Variants in PALLD observed in about 807,000 individuals in gnomAD.
PALLD encodes palladin, cytoskeletal associated protein.
In PALLD, 61 loss-of-function variants were observed where a neutral mutation model predicts 123.5. The observed-to-expected ratio is 0.49, with a 90% CI of 0.40 to 0.61. The LOEUF (loss-of-function observed/expected upper bound fraction) is 0.61, where lower values mean the gene tolerates loss of function less well. PALLD is among the 20% of genes least tolerant of loss of function. The pLI is 0.00. For missense variants in PALLD, 1,273 were observed against 1,377.0 expected (o/e 0.92, Z 1.20); for synonymous variants, 465 against 496.4 (o/e 0.94, Z 0.84).
At chr4:168,759,840 A>G (rs1431934134) in intron 10 of PALLD, among the ~76,000 whole-genome samples, 3 of 151,958 alleles carry the variant, frequency 2.0e-5, no homozygotes, top group African/African-American at 7.2e-5. Flanking sequence ...GATCGCTTGA[A>G]CCCAGGAGTT....
chr4:168,649,350 G>C (rs1272564683), intron 2 of PALLD, among the ~76,000 whole-genome samples: 2 of 152,048 alleles, frequency 1.3e-5, no homozygotes, highest in African/African-American at 2.4e-5. Flanking sequence ...GATTCAATTT[G>C]ATTCTTATTA....
intron 2 of PALLD, among the ~76,000 whole-genome samples, chr4:168,516,646 C>T (rs1046560735): frequency 9.2e-5 from 14 of 152,120 alleles, no homozygotes; most frequent in African/African-American, 2.9e-4. Flanking sequence ...TAACTCAGCT[C>T]TTATGATTCT....
intron 15 of PALLD, among the ~76,000 whole-genome samples, chr4:168,911,670 T>C (rs1758983644): frequency 6.6e-6 from 1 of 152,224 alleles, no homozygotes; most frequent in African/African-American, 2.4e-5. Flanking sequence ...AATTAATTTT[T>C]AGATTTCAGG....
intron 2 of PALLD, among the ~76,000 whole-genome samples, chr4:168,594,254 T>C (rs1051182095): frequency 2.0e-5 from 3 of 152,144 alleles, no homozygotes; most frequent in Non-Finnish European, 4.4e-5. Flanking sequence ...TTGACTAAGA[T>C]GGAATTTGAT....
chr4:168,669,338 G>A (rs1047834921), intron 3 of PALLD, among the ~76,000 whole-genome samples: 2 of 152,214 alleles, frequency 1.3e-5, no homozygotes, highest in African/African-American at 2.4e-5. Flanking sequence ...GCCCGAGGCA[G>A]GAGGATCGCT....
At chr4:168,880,803 T>C (rs1484781398) in intron 10 of PALLD, among the ~76,000 whole-genome samples, 1 of 152,276 alleles carries the variant, frequency 6.6e-6, no homozygotes. Flanking sequence ...AACAAATTGG[T>C]TGATTATATG....
intron 1 of PALLD, among the ~76,000 whole-genome samples, chr4:168,502,733 C>T (rs1173779495): frequency 6.6e-6 from 1 of 152,104 alleles, no homozygotes; most frequent in Non-Finnish European, 1.5e-5. Flanking sequence ...GACCTCGTTT[C>T]TACAAAAATA....
intron 21 of PALLD, 142 bp from the exon 22 acceptor site, chr4:168,926,071 G>C: frequency 1.6e-6 from 1 of 638,010 alleles, no homozygotes; most frequent in Non-Finnish European, 2.5e-6. Context: ...ATGCAAAAGT[G>C]TTCCTAAATT....
chr4:168,771,071 A>AAC (rs551611011), intron 10 of PALLD, among the ~76,000 whole-genome samples: 52,958 of 100,892 alleles, frequency 0.52, 10,349 homozygotes, highest in East Asian at 0.63. Context: ...TCAAAAAAAA[A>AAC]AAAACAAAAA....
intron 10 of PALLD, among the ~76,000 whole-genome samples, chr4:168,752,828 A>G (rs778719055): frequency 2.6e-5 from 4 of 151,706 alleles, no homozygotes; most frequent in Non-Finnish European, 4.4e-5. Context: ...CCCAATGTAT[A>G]TTATTATTAT....
At chr4:168,879,792 T>A (rs75929730) in intron 10 of PALLD, among the ~76,000 whole-genome samples, 2,541 of 152,356 alleles carry the variant, frequency 0.017, 38 homozygotes, top group Middle Eastern at 0.027. Flanking sequence ...ATAGTAATGA[T>A]GTGATAATGG....
At chr4:168,858,328 TTTTATAAAG>T (rs1341993951) in intron 10 of PALLD, among the ~76,000 whole-genome samples, 1 of 152,226 alleles carries the variant, frequency 6.6e-6, no homozygotes, top group Non-Finnish European at 1.5e-5. Context: ...GGCATCTTGT[TTTTATAAAG>T]TTTGATCAAG....
intron 10 of PALLD, among the ~76,000 whole-genome samples, chr4:168,810,017 C>T (rs563933690): frequency 2.7e-5 from 4 of 150,498 alleles, no homozygotes; most frequent in South Asian, 2.1e-4. Flanking sequence ...AGACAGGGCT[C>T]ATTCTAAAGA....
At chr4:168,845,067 G>A (rs1022929729) in intron 10 of PALLD, among the ~76,000 whole-genome samples, 4 of 152,116 alleles carry the variant, frequency 2.6e-5, no homozygotes, top group African/African-American at 9.7e-5. Flanking sequence ...AGCTGGAGGG[G>A]GGAGGGCTGT....
intron 10 of PALLD, among the ~76,000 whole-genome samples, chr4:168,811,956 A>G (rs1020262077): frequency 6.6e-6 from 1 of 152,132 alleles, no homozygotes; most frequent in African/African-American, 2.4e-5. Context: ...TGTTTCCTGA[A>G]GGTCTGTTGA....
At chr4:168,893,103 G>A (rs926467147) in intron 11 of PALLD, among the ~76,000 whole-genome samples, 1 of 152,164 alleles carries the variant, frequency 6.6e-6, no homozygotes, top group Non-Finnish European at 1.5e-5. Context: ...GTGCATTCTG[G>A]TGAAGGAATA....
chr4:168,638,584 C>G (rs1219137715), intron 2 of PALLD, among the ~76,000 whole-genome samples: 2 of 152,180 alleles, frequency 1.3e-5, no homozygotes, highest in South Asian at 4.1e-4. Context: ...AGGTTTATTG[C>G]TCACAGTTCT....
chr4:168,616,765 A>C (rs1187751996), intron 2 of PALLD, among the ~76,000 whole-genome samples: 2 of 152,182 alleles, frequency 1.3e-5, no homozygotes, highest in African/African-American at 4.8e-5. Flanking sequence ...AATTTTTAAC[A>C]AGCTTCCCAG....
chr4:168,525,508 C>T (rs188451214), intron 2 of PALLD, among the ~76,000 whole-genome samples: 9 of 152,314 alleles, frequency 5.9e-5, no homozygotes, highest in African/African-American at 1.7e-4. Flanking sequence ...GTCAGTTTCA[C>T]TGACTGAACA....
Sources: allele counts gnomAD v4.1 joint callset (sites outside exome capture counted in the v4.1 genomes callset), GRCh38; gene constraint gnomAD v4.1.1; transcripts MANE v1.5; gene names NCBI Gene and HGNC (gene_info 2026-07-23, HGNC 2026-07-21).